NRG1: variants seen among roughly 807,000 people sequenced by gnomAD.
The protein encoded by NRG1 is pro-neuregulin-1, membrane-bound isoform.
Under a neutral mutation model 63.8 loss-of-function variants are expected in NRG1, and 18 were observed. The observed-to-expected ratio is 0.28, with a 90% CI of 0.19 to 0.42. NRG1 has a LOEUF of 0.42. Among genes scored for constraint, NRG1 ranks in the 10% least tolerant of loss-of-function variants. The pLI is 1.00. For missense variants in NRG1, 762 were observed against 814.7 expected, an observed-to-expected ratio of 0.94 and a Z score of 0.79; for synonymous variants, 302 against 301.3, an observed-to-expected ratio of 1.00 and a Z score of -0.02.
intron 1 of NRG1, among the ~76,000 whole-genome samples, chr8:32,506,048 G>A (rs1483738790): frequency 6.6e-6 from 1 of 151,970 alleles, no homozygotes; most frequent in Non-Finnish European, 1.5e-5. Context: ...CCAGGAGTTG[G>A]AGACCATACT....
At chr8:32,604,258 G>T (rs931496810) in intron 2 of NRG1, among the ~76,000 whole-genome samples, 2 of 152,148 alleles carry the variant, frequency 1.3e-5, no homozygotes, top group African/African-American at 4.8e-5. Context: ...AAGAAAAAAT[G>T]ACACAGACAA....
At chr8:32,216,190 G>T (rs921943926) in intron 1 of NRG1, among the ~76,000 whole-genome samples, 1 of 137,976 alleles carries the variant, frequency 7.2e-6, no homozygotes, top group African/African-American at 2.5e-5. Context: ...ACATTTTATT[G>T]TGTTATTATA....
intron 1 of NRG1, among the ~76,000 whole-genome samples, chr8:32,405,443 G>C (rs1384290431): frequency 6.6e-6 from 1 of 152,182 alleles, no homozygotes; most frequent in Admixed American, 6.5e-5. Flanking sequence ...CCTTCCAACA[G>C]CAGAGGGGAG....
intron 1 of NRG1, among the ~76,000 whole-genome samples, chr8:31,776,580 G>T (rs552686160): frequency 1.3e-4 from 20 of 152,110 alleles, no homozygotes; most frequent in Non-Finnish European, 2.5e-4. Flanking sequence ...GGGTACATGT[G>T]CACAACGAGC....
chr8:31,962,105 A>G (rs557557864), intron 1 of NRG1, among the ~76,000 whole-genome samples: 1 of 152,274 alleles, frequency 6.6e-6, no homozygotes, highest in East Asian at 1.9e-4. Context: ...AGAAATAACT[A>G]TCAGGAAATA....
intron 5 of NRG1, 48 bp downstream of exon 5, chr8:32,616,933 T>G: frequency 7.4e-7 from 1 of 1,349,598 alleles, no homozygotes; most frequent in Non-Finnish European, 1.1e-6. Context: ...CCCAAGGCAC[T>G]ATCTGCTTTG....
exon 12 of NRG1, chr8:32,766,374 C>T (rs970635931): frequency 2.0e-5 from 3 of 152,198 alleles, no homozygotes. Context: ...ACTGAGGAGT[C>T]TTTGTCAGGT....
chr8:31,689,977 G>T (rs1383300395), intron 1 of NRG1, among the ~76,000 whole-genome samples: 1 of 152,190 alleles, frequency 6.6e-6, no homozygotes, highest in African/African-American at 2.4e-5. Context: ...ATCTCATCTT[G>T]AATTGTAGTT....
At chr8:32,647,239 C>CGCT (rs934317870) in intron 5 of NRG1, 10 of 983,402 alleles carry the variant, frequency 1.0e-5, no homozygotes, top group Non-Finnish European at 1.2e-5. Flanking sequence ...CTCCTGCCGC[C>CGCT]GCTGCTGCTG....
chr8:32,415,315 G>A lies in NRG1; in HGVS notation c.38-180513G>A, dbSNP rs1815712217. Among the ~76,000 whole-genome samples the A allele has an allele frequency of 2.7e-5, 4 of 148,268 alleles. No individual in the cohort carries two copies. The South Asian group carries it at 8.5e-4, about 31-fold the overall frequency. On this transcript the variant is annotated intron_variant, in intron 1 of 10. Coordinates refer to the NRG1 transcript ENST00000519301. ...CCCAGCTACTTGGGAGGCTGAGGCA[G>A]GAGAATTGCTTGAACCCGGAGGTGG...
intron 1 of NRG1, among the ~76,000 whole-genome samples, chr8:32,280,691 G>GTTTTTTTTTTTTTTTT (rs1174950316): frequency 1.7e-5 from 1 of 57,628 alleles, no homozygotes; most frequent in African/African-American, 5.5e-5. Flanking sequence ...TTTTTTTTTT[G>GTTTTTTTTTTTTTTTT]TTTTTTTTTT....
At chr8:32,029,871 A>G (rs1294248770) in intron 1 of NRG1, among the ~76,000 whole-genome samples, 2 of 152,126 alleles carry the variant, frequency 1.3e-5, no homozygotes. Flanking sequence ...ACAAATTTTA[A>G]AATTCTGATA....
intron 1 of NRG1, among the ~76,000 whole-genome samples, chr8:32,260,780 G>T (rs16879060): frequency 0.16 from 24,030 of 152,096 alleles, 2,285 homozygotes; most frequent in African/African-American, 0.25. Context: ...CAGGGTAGCA[G>T]TATATGGCCT....
downstream of NRG1, among the ~76,000 whole-genome samples, chr8:32,768,485 G>A (rs777654424): frequency 2.6e-5 from 4 of 152,056 alleles, no homozygotes; most frequent in East Asian, 3.9e-4. Context: ...CACAATTTAC[G>A]GATTCATAAT....
At chr8:31,711,798 G>A (rs1811778829) in intron 1 of NRG1, among the ~76,000 whole-genome samples, 1 of 152,174 alleles carries the variant, frequency 6.6e-6, no homozygotes, top group South Asian at 2.1e-4. Flanking sequence ...GGTGAGGGCT[G>A]CTTCCTGGTT....
chr8:31,693,945 C>G (rs953826461), intron 1 of NRG1, among the ~76,000 whole-genome samples: 6 of 152,222 alleles, frequency 3.9e-5, no homozygotes, highest in African/African-American at 1.4e-4. Context: ...TCAAGCCATC[C>G]TCCCACCTTA....
At chr8:32,497,249 C>T (rs544569460) in intron 1 of NRG1, among the ~76,000 whole-genome samples, 5 of 152,122 alleles carry the variant, frequency 3.3e-5, no homozygotes, top group African/African-American at 1.2e-4. Context: ...GAGTTCGAGA[C>T]CAGCCTGGCC....
chr8:32,753,406 C>T (rs1028794654), intron 7 of NRG1, among the ~76,000 whole-genome samples: 1 of 152,192 alleles, frequency 6.6e-6, no homozygotes, highest in Non-Finnish European at 1.5e-5. Flanking sequence ...AGAGACTGAT[C>T]GCATTTTGGG....
exon 1 of NRG1, chr8:31,639,262 C>A: frequency 9.0e-7 from 1 of 1,116,024 alleles, no homozygotes; most frequent in Non-Finnish European, 1.3e-6. Context: ...CTCCGCAGCC[C>A]ACTCGGACTG....
Sources: allele counts gnomAD v4.1 joint callset (sites outside exome capture counted in the v4.1 genomes callset), GRCh38; gene constraint gnomAD v4.1.1; transcripts MANE v1.5; gene names NCBI Gene and HGNC (gene_info 2026-07-23, HGNC 2026-07-21).